The following PCSK5 variants were observed in gnomAD, a reference collection of about 807,000 sequenced individuals.
The protein encoded by PCSK5 is proprotein convertase subtilisin/kexin type 5.
In PCSK5, 129 loss-of-function variants were observed where a neutral mutation model predicts 233.2. The ratio of observed to expected loss-of-function variants is 0.55; its 90% CI spans 0.48 to 0.64. The LOEUF (loss-of-function observed/expected upper bound fraction) is 0.64. Ranked by LOEUF, PCSK5 falls within the 30% of genes least tolerant of loss-of-function variation. PCSK5 has a pLI of 0.00. For synonymous variants in PCSK5, 825 were observed against 879.2 expected (o/e 0.94, Z 1.09); for missense variants, 2,076 against 2,430.1 (o/e 0.85, Z 3.06).
chr9:76,176,021 C>CAAA (rs5898456), intron 14 of PCSK5, among the ~76,000 whole-genome samples: 1 of 147,636 alleles, frequency 6.8e-6, no homozygotes, highest in African/African-American at 2.5e-5. Flanking sequence ...GTTGTTTTGA[C>CAAA]AAAAAAAAAA....
intron 20 of PCSK5, among the ~76,000 whole-genome samples, chr9:76,196,238 G>A (rs147623878): frequency 2.4e-4 from 36 of 152,362 alleles, no homozygotes; most frequent in Admixed American, 1.2e-3. Flanking sequence ...CCTGTAGTGC[G>A]CAGCACACCC....
chr9:75,963,438 T>G (rs1389400327), intron 2 of PCSK5, among the ~76,000 whole-genome samples: 3 of 152,264 alleles, frequency 2.0e-5, no homozygotes, highest in Admixed American at 2.0e-4. Context: ...TGAATCATTT[T>G]GTTGACAGTG....
At chr9:76,300,864 G>A (rs537754695) in intron 27 of PCSK5, among the ~76,000 whole-genome samples, 1 of 152,224 alleles carries the variant, frequency 6.6e-6, no homozygotes, top group South Asian at 2.1e-4. Flanking sequence ...AAGCTCTCAG[G>A]ACACATATAA....
chr9:75,946,813 C>T (rs992286204), intron 2 of PCSK5, among the ~76,000 whole-genome samples: 2 of 152,160 alleles, frequency 1.3e-5, no homozygotes, highest in Non-Finnish European at 2.9e-5. Flanking sequence ...TGGTCTTGAA[C>T]TCCTGACCTC....
chr9:76,066,903 C>T (rs1340032546), intron 5 of PCSK5, among the ~76,000 whole-genome samples: 1 of 152,106 alleles, frequency 6.6e-6, no homozygotes, highest in African/African-American at 2.4e-5. Flanking sequence ...TGTACCTTTT[C>T]GTATCTCTGG....
intron 1 of PCSK5, among the ~76,000 whole-genome samples, chr9:75,906,554 C>T (rs1313631442): frequency 2.6e-5 from 4 of 152,128 alleles, no homozygotes; most frequent in Non-Finnish European, 4.4e-5. Flanking sequence ...AAAGCTCCAA[C>T]CACATGGTAG....
At chr9:76,291,259 G>A (rs1174456618) in intron 24 of PCSK5, among the ~76,000 whole-genome samples, 1 of 152,088 alleles carries the variant, frequency 6.6e-6, no homozygotes, top group Non-Finnish European at 1.5e-5. Context: ...ACCTCCTAAG[G>A]GCAGTCTGAA....
chr9:75,891,072 C>T lies in PCSK5; in HGVS notation c.-110C>T. 1 of 1,033,038 alleles carries T rather than the reference C, an allele frequency of 9.7e-7. No homozygotes were observed. Among genetic ancestry groups the T allele is most frequent in the Non-Finnish European group, 1.3e-6 (1 of 778,532 alleles). 64.0% of individuals were successfully genotyped at this position (1,033,038 alleles called of 1,614,324 possible). A position where few individuals can be genotyped will look rare whatever the true frequency, so the allele number is the denominator to read the frequency against. On this transcript the variant is annotated 5_prime_UTR_variant, in exon 1 of 38. Transcript: ENST00000674117. ...GCCGATCGCCCGGGGCTGCGAGCTG[C>T]GGCGGCCCGGGGCTGCTCGCCGGGC...
chr9:75,955,798 A>AC (rs1825068575), intron 2 of PCSK5, among the ~76,000 whole-genome samples: 1 of 152,162 alleles, frequency 6.6e-6, no homozygotes, highest in Non-Finnish European at 1.5e-5. Flanking sequence ...TTTTTGTCAG[A>AC]CAGGGTTGAG....
chr9:76,294,317 C>G (rs1271730924), intron 25 of PCSK5, among the ~76,000 whole-genome samples: 1 of 152,080 alleles, frequency 6.6e-6, no homozygotes, highest in Non-Finnish European at 1.5e-5. Context: ...TTCAGGTAAG[C>G]CTGCAATTCA....
At chr9:76,249,659 AG>A (rs1826738655) in intron 24 of PCSK5, among the ~76,000 whole-genome samples, 2 of 152,186 alleles carry the variant, frequency 1.3e-5, no homozygotes, top group African/African-American at 4.8e-5. Context: ...GGAAATAAAC[AG>A]GATGAGCCTG....
chr9:76,116,021 G>T (rs1211229153), intron 9 of PCSK5, among the ~76,000 whole-genome samples: 1 of 151,972 alleles, frequency 6.6e-6, no homozygotes, highest in Non-Finnish European at 1.5e-5. Context: ...TCTAGTTTTT[G>T]TATTAACTGA....
At chr9:76,026,138 C>T in intron 4 of PCSK5, among the ~76,000 whole-genome samples, 1 of 152,062 alleles carries the variant, frequency 6.6e-6, no homozygotes, top group South Asian at 2.1e-4. Context: ...AAATTGAAAG[C>T]ATATTAAATT....
At chr9:76,192,350 T>G (rs917133888) in intron 20 of PCSK5, among the ~76,000 whole-genome samples, 1 of 152,212 alleles carries the variant, frequency 6.6e-6, no homozygotes, top group Non-Finnish European at 1.5e-5. Context: ...CTCACCAGGC[T>G]TTTGAAATCA....
At chr9:76,232,082 C>T (rs1490920981) in intron 21 of PCSK5, among the ~76,000 whole-genome samples, 1 of 152,168 alleles carries the variant, frequency 6.6e-6, no homozygotes, top group African/African-American at 2.4e-5. Flanking sequence ...ACCCAACCTT[C>T]TTCCAAACCT....
intron 2 of PCSK5, among the ~76,000 whole-genome samples, chr9:75,981,249 A>G (rs565570409): frequency 6.6e-6 from 1 of 152,308 alleles, no homozygotes; most frequent in South Asian, 2.1e-4. Context: ...AAACCACACA[A>G]TTAGACTCTC....
At chr9:75,894,385 T>TA (rs900928318) in intron 1 of PCSK5, among the ~76,000 whole-genome samples, 11 of 151,836 alleles carry the variant, frequency 7.2e-5, no homozygotes, top group Middle Eastern at 3.4e-3. Flanking sequence ...CCTCTTCTGT[T>TA]AAAAAAAAGA....
intron 24 of PCSK5, among the ~76,000 whole-genome samples, chr9:76,259,693 T>C (rs906396774): frequency 6.6e-6 from 1 of 152,150 alleles, no homozygotes; most frequent in Non-Finnish European, 1.5e-5. Context: ...GGTAAGCATA[T>C]GGTTGAACAT....
chr9:76,283,078 A>G (rs2131391418), intron 24 of PCSK5, among the ~76,000 whole-genome samples: 1 of 152,358 alleles, frequency 6.6e-6, no homozygotes, highest in South Asian at 2.1e-4. Flanking sequence ...ATGGTTGAGC[A>G]AAGAAAGTGG....
Sources: allele counts gnomAD v4.1 joint callset (sites outside exome capture counted in the v4.1 genomes callset), GRCh38; gene constraint gnomAD v4.1.1; transcripts MANE v1.5; gene names NCBI Gene and HGNC (gene_info 2026-07-23, HGNC 2026-07-21).